SCP2: variants seen among roughly 807,000 people sequenced by gnomAD.
SCP2 encodes the protein sterol carrier protein 2.
In SCP2, 48 loss-of-function variants were observed where a neutral mutation model predicts 71.4. That is an observed-to-expected ratio of 0.67 (90% CI 0.53 to 0.86). The LOEUF is 0.86. Ranked by LOEUF, SCP2 falls within the 40% of genes least tolerant of loss-of-function variation. SCP2 has a pLI of 0.00. For synonymous variants in SCP2, 220 were observed against 218.1 expected (o/e 1.01, Z -0.08); for missense variants, 560 against 655.6 (o/e 0.85, Z 1.59).
Position 53,050,936 on chromosome 1 carries a change from T to C in SCP2, c.*232T>C. 1 of 369,264 alleles carries C rather than the reference T, an allele frequency of 2.7e-6. No individual in the cohort carries two copies. The highest frequency in any genetic ancestry group is 4.0e-5 in the South Asian group (1 of 24,778). 22.9% of individuals were successfully genotyped at this position (369,264 alleles called of 1,614,324 possible). ...ACAACTGTGCATTACAAAGTTAATATGGTAATTATGGTCTGGGGTAAAATT... is the reference window on the plus strand; with the variant it reads ...ACAACTGTGCATTACAAAGTTAATACGGTAATTATGGTCTGGGGTAAAATT... On this transcript the variant is annotated 3_prime_UTR_variant, in exon 16 of 16. Transcript: ENST00000371514.
chr1:52,960,717 C>CGTGT (rs145935532), intron 5 of SCP2, among the ~76,000 whole-genome samples: 3,173 of 104,056 alleles, frequency 0.03, 126 homozygotes, highest in African/African-American at 0.092. Flanking sequence ...ATATTATGTG[C>CGTGT]GTGTGTGTGT....
At chr1:53,046,500 A>T (rs1663829868) in intron 14 of SCP2, among the ~76,000 whole-genome samples, 1 of 151,942 alleles carries the variant, frequency 6.6e-6, no homozygotes, top group Non-Finnish European at 1.5e-5. Context: ...TCATTTGCTC[A>T]TTTTTATATT....
chr1:52,938,397 A>G (rs1219836713), intron 1 of SCP2, among the ~76,000 whole-genome samples: 1 of 152,246 alleles, frequency 6.6e-6, no homozygotes, highest in Non-Finnish European at 1.5e-5. Flanking sequence ...CCAGCAAAGC[A>G]CTACATCTTA....
intron 11 of SCP2, among the ~76,000 whole-genome samples, chr1:53,011,549 T>A (rs929068409): frequency 6.6e-6 from 1 of 152,166 alleles, no homozygotes; most frequent in Non-Finnish European, 1.5e-5. Context: ...TGTAAAAAGG[T>A]TGACCAACAT....
chr1:52,942,615 A>AT (rs71678999), intron 2 of SCP2, among the ~76,000 whole-genome samples: 1,922 of 148,890 alleles, frequency 0.013, 23 homozygotes, highest in African/African-American at 0.044. Flanking sequence ...TATATAAAGA[A>AT]TTTTTTTTTT....
intron 13 of SCP2, among the ~76,000 whole-genome samples, chr1:53,030,216 G>A (rs1310168099): frequency 6.6e-6 from 1 of 152,090 alleles, no homozygotes; most frequent in Non-Finnish European, 1.5e-5. Flanking sequence ...TACATAGTAT[G>A]TATTCATATG....
chr1:52,968,197 C>A (rs549182672), intron 6 of SCP2, among the ~76,000 whole-genome samples: 1 of 152,298 alleles, frequency 6.6e-6, no homozygotes, highest in East Asian at 1.9e-4. Context: ...CCGTCTTGGC[C>A]TCCCAAAGTG....
chr1:52,984,466 T>G (rs1232909870), intron 10 of SCP2, among the ~76,000 whole-genome samples: 1 of 152,182 alleles, frequency 6.6e-6, no homozygotes, highest in African/African-American at 2.4e-5. Context: ...GTGAACATAT[T>G]CTGCCTAATA....
At chr1:53,036,128 A>G (rs1662931848) in intron 13 of SCP2, among the ~76,000 whole-genome samples, 1 of 151,104 alleles carries the variant, frequency 6.6e-6, no homozygotes, top group South Asian at 2.1e-4. Context: ...TACTTTTACA[A>G]TTAAAGACTA....
intron 6 of SCP2, among the ~76,000 whole-genome samples, chr1:52,974,116 CT>C (rs1461546892): frequency 2.3e-4 from 35 of 151,994 alleles, no homozygotes; most frequent in Non-Finnish European, 5.9e-5. Context: ...TGGTGGCTTT[CT>C]TTTTTCTTTG....
At chr1:53,024,307 G>T (rs570337727) in intron 12 of SCP2, among the ~76,000 whole-genome samples, 6 of 152,064 alleles carry the variant, frequency 3.9e-5, no homozygotes, top group African/African-American at 9.7e-5. Context: ...TTGGAAGCAG[G>T]GGGGAGTGAG....
chr1:52,995,324 A>G (rs1368981964), intron 11 of SCP2: 18 of 477,726 alleles, frequency 3.8e-5, no homozygotes, highest in Middle Eastern at 3.5e-4. Context: ...TGCATTGACA[A>G]TGAGGCCCTC....
intron 3 of SCP2, among the ~76,000 whole-genome samples, chr1:52,950,341 C>T (rs546405860): frequency 1.6e-4 from 25 of 152,182 alleles, no homozygotes; most frequent in African/African-American, 4.6e-4. Flanking sequence ...AGGATGGTTT[C>T]GACCTCCTGA....
chr1:52,965,827 T>C (rs954052548), intron 6 of SCP2, among the ~76,000 whole-genome samples: 1 of 150,646 alleles, frequency 6.6e-6, no homozygotes, highest in Non-Finnish European at 1.5e-5. Flanking sequence ...TTTTTTTTTA[T>C]TAGAGACCTG....
intron 11 of SCP2, among the ~76,000 whole-genome samples, chr1:53,003,091 G>C (rs1215641647): frequency 1.3e-5 from 2 of 152,128 alleles, no homozygotes; most frequent in African/African-American, 4.8e-5. Context: ...TGTGAGGAGA[G>C]GTAAATTTTA....
intron 6 of SCP2, among the ~76,000 whole-genome samples, chr1:52,972,100 A>G (rs896647685): frequency 1.3e-5 from 2 of 152,158 alleles, no homozygotes; most frequent in Non-Finnish European, 2.9e-5. Context: ...TGAATTGTAG[A>G]ATTTTATATA....
chr1:52,933,645 A>G lies in SCP2; in HGVS notation c.69+6180A>G, dbSNP rs886136796. On this transcript the variant is annotated intron_variant, in intron 1 of 15. Transcript: ENST00000371514. ...TAGTAGATGAGGAGTAGTGTCTTCT[A>G]TCAAACGTATTTAAGTAATAACTGA... Among the ~76,000 whole-genome samples, 4 of 152,246 alleles carry G rather than the reference A, an allele frequency of 2.6e-5. No individual in the cohort carries two copies. In the East Asian group the frequency reaches 5.8e-4, roughly 22 times the overall value.
At chr1:52,970,050 G>C (rs949492371) in intron 6 of SCP2, among the ~76,000 whole-genome samples, 2 of 152,054 alleles carry the variant, frequency 1.3e-5, no homozygotes, top group African/African-American at 4.8e-5. Context: ...CTGATATGTA[G>C]TATTTTCATT....
At chr1:53,007,847 T>C (rs534465104) in intron 11 of SCP2, among the ~76,000 whole-genome samples, 28 of 152,106 alleles carry the variant, frequency 1.8e-4, no homozygotes, top group African/African-American at 6.3e-4. Context: ...GGAGCTGGTT[T>C]TTTGAAGCGA....
Sources: allele counts gnomAD v4.1 joint callset (sites outside exome capture counted in the v4.1 genomes callset), GRCh38; gene constraint gnomAD v4.1.1; transcripts MANE v1.5; gene names NCBI Gene and HGNC (gene_info 2026-07-23, HGNC 2026-07-21).